Variants in SUCLG2 observed in about 807,000 individuals in gnomAD.
The protein encoded by SUCLG2 is succinate--CoA ligase [GDP-forming] subunit beta, mitochondrial.
In SUCLG2, 42 loss-of-function variants were observed where a neutral mutation model predicts 47.9. The observed-to-expected ratio is 0.88, with a 90% CI of 0.69 to 1.14. SUCLG2 has a LOEUF of 1.14. SUCLG2 is among the 50% of genes most tolerant of loss of function. The pLI is 0.00. For synonymous variants in SUCLG2, 195 were observed against 197.3 expected, an observed-to-expected ratio of 0.99 and a Z score of 0.10; for missense variants, 571 against 525.9, an observed-to-expected ratio of 1.09 and a Z score of -0.84.
intron 10 of SUCLG2, among the ~76,000 whole-genome samples, chr3:67,361,703 G>C (rs1394611241): frequency 6.6e-6 from 1 of 152,116 alleles, no homozygotes; most frequent in Non-Finnish European, 1.5e-5. Context: ...CTGTATCCTT[G>C]CTTTTTTGCC....
intron 9 of SUCLG2, among the ~76,000 whole-genome samples, chr3:67,423,244 G>A (rs1316068790): frequency 2.0e-5 from 3 of 152,062 alleles, no homozygotes; most frequent in African/African-American, 7.2e-5. Context: ...TCCCGTGCTT[G>A]CATTCTCTCT....
At chr3:67,393,812 T>A (rs1429383195) in intron 10 of SUCLG2, among the ~76,000 whole-genome samples, 5 of 152,082 alleles carry the variant, frequency 3.3e-5, no homozygotes, top group African/African-American at 9.7e-5. Flanking sequence ...CGGGTACTCC[T>A]CTGAGACAAA....
chr3:67,589,457 T>C (rs567078714), intron 2 of SUCLG2, among the ~76,000 whole-genome samples: 27 of 152,344 alleles, frequency 1.8e-4, no homozygotes, highest in Admixed American at 1.2e-3. Context: ...AATAATGTGA[T>C]TGAAGTGGCC....
At chr3:67,501,293 G>A (rs1290979811) in intron 7 of SUCLG2, among the ~76,000 whole-genome samples, 2 of 152,178 alleles carry the variant, frequency 1.3e-5, no homozygotes, top group Admixed American at 6.5e-5. Flanking sequence ...TTTACTTAGT[G>A]GGTAAGGGAA....
chr3:67,578,544 G>A (rs539490514), intron 2 of SUCLG2, among the ~76,000 whole-genome samples: 3 of 152,186 alleles, frequency 2.0e-5, no homozygotes, highest in African/African-American at 4.8e-5. Flanking sequence ...CAGAAAGAGA[G>A]GGGACAGGGC....
Position 67,449,746 on chromosome 3 carries a change from T to A in SUCLG2, c.1062+46052A>T, listed in dbSNP as rs147860212. ...CCTCACGCTCAGCCCCCTGAGTAGC[T>A]GGGACTACAGGTGTGTGCCACCATG... On this transcript the variant is annotated intron_variant, in intron 9 of 10. Transcript: ENST00000307227. Among the ~76,000 whole-genome samples, 1,022 of 152,048 alleles carry A rather than the reference T, an allele frequency of 6.7e-3. 16 individuals are homozygous for A. Among genetic ancestry groups the A allele is most frequent in the African/African-American group, 0.023 (935 of 41,490 alleles).
intron 2 of SUCLG2, among the ~76,000 whole-genome samples, chr3:67,563,699 T>C (rs959434164): frequency 1.8e-4 from 27 of 151,946 alleles, no homozygotes; most frequent in Admixed American, 1.6e-3. Flanking sequence ...GTGGCTCATG[T>C]CTGTAATCCC....
At chr3:67,463,627 T>C (rs539503615) in intron 9 of SUCLG2, among the ~76,000 whole-genome samples, 15 of 152,372 alleles carry the variant, frequency 9.8e-5, no homozygotes, top group Middle Eastern at 3.4e-3. Context: ...AATTTGTTTA[T>C]GGGGCCATGC....
intron 10 of SUCLG2, chr3:67,376,507 T>G: frequency 1.0e-6 from 1 of 982,694 alleles, no homozygotes; most frequent in Non-Finnish European, 1.2e-6. Context: ...GAACAACTCC[T>G]GTAGGAGAAA....
rs540275913 is a variant in SUCLG2 at position 67,577,222 on chromosome 3, A to C, written c.226+32233T>G. Among the ~76,000 whole-genome samples, 3 of 152,248 alleles carry C rather than the reference A, an allele frequency of 2.0e-5. 1 individual carries two copies. The South Asian group carries it at 6.2e-4, about 32-fold the overall frequency. On this transcript the variant is annotated intron_variant, in intron 2 of 10. Coordinates refer to ENST00000307227, the MANE Select transcript of SUCLG2 (RefSeq NM_003848.4). ...AGTCGGGAGGCTGAGGCAGGAGAAAAGCTTGAACCCAGGAGTTGGAGGTTG... is the reference window on the plus strand; with the variant it reads ...AGTCGGGAGGCTGAGGCAGGAGAAACGCTTGAACCCAGGAGTTGGAGGTTG...
At chr3:67,563,988 A>G (rs1401789669) in intron 2 of SUCLG2, among the ~76,000 whole-genome samples, 2 of 151,796 alleles carry the variant, frequency 1.3e-5, no homozygotes, top group African/African-American at 4.8e-5. Flanking sequence ...AGAAAAAAGA[A>G]AAAGAAAAGA....
chr3:67,438,417 C>G (rs1218109776), intron 9 of SUCLG2, among the ~76,000 whole-genome samples: 2 of 151,634 alleles, frequency 1.3e-5, no homozygotes, highest in Non-Finnish European at 2.9e-5. Flanking sequence ...ATGAAAAACT[C>G]ATCCTCCCAC....
At chr3:67,435,032 C>T (rs1350995923) in intron 9 of SUCLG2, among the ~76,000 whole-genome samples, 1 of 152,116 alleles carries the variant, frequency 6.6e-6, no homozygotes, top group Non-Finnish European at 1.5e-5. Flanking sequence ...CAAGGTCAAT[C>T]GTATAATAGC....
intron 1 of SUCLG2, among the ~76,000 whole-genome samples, chr3:67,616,714 C>A (rs1215377865): frequency 6.6e-6 from 1 of 152,128 alleles, no homozygotes; most frequent in African/African-American, 2.4e-5. Context: ...AAGGGCTTGC[C>A]CCTTACTTAA....
Position 67,609,607 on chromosome 3 carries a change from T to C in SUCLG2, c.85-11A>G. The C allele has an allele frequency of 6.2e-7, 1 of 1,612,136 alleles. No homozygotes were observed. Among genetic ancestry groups the C allele is most frequent in the South Asian group, 1.1e-5 (1 of 90,880 alleles). On this transcript the variant is annotated splice_polypyrimidine_tract_variant and intron_variant, in intron 1 of 10. Coordinates refer to ENST00000307227, the MANE Select transcript of SUCLG2 (RefSeq NM_003848.4). ...GGTTAATTGAACTGCCTACAGAAAT[T>C]GAAGGAGAGAGGTAAGAACATTCAT...
At chr3:67,493,842 G>T (rs186052979) in intron 9 of SUCLG2, among the ~76,000 whole-genome samples, 68 of 152,314 alleles carry the variant, frequency 4.5e-4, no homozygotes, top group African/African-American at 1.5e-3. Context: ...ATTAATACAT[G>T]ATTAGAGAGC....
At position 67,382,808 on chromosome 3, in the gene SUCLG2, G is replaced by A. The variant is rs552130470; in HGVS notation, c.1184-6949C>T. Among the ~76,000 whole-genome samples, 8 of 152,278 alleles carry A rather than the reference G, an allele frequency of 5.3e-5. No individual in the cohort carries two copies. In the South Asian group the frequency reaches 1.0e-3, roughly 20 times the overall value. On this transcript the variant is annotated intron_variant, in intron 10 of 10. Coordinates refer to ENST00000307227, the MANE Select transcript of SUCLG2 (RefSeq NM_003848.4). ...AAGTATTTCAGCCCCTCTGCTGGAAGTAACTGAGTTTTTTTCTCCCCACTG... is the reference window on the plus strand; with the variant it reads ...AAGTATTTCAGCCCCTCTGCTGGAAATAACTGAGTTTTTTTCTCCCCACTG...
chr3:67,400,926 A>G, intron 9 of SUCLG2, 75 bp from the exon 10 acceptor site: 1 of 1,587,776 alleles, frequency 6.3e-7, no homozygotes, highest in Non-Finnish European at 8.6e-7. Context: ...GTTAAATAAT[A>G]GAGACAATTA....
At chr3:67,384,835 T>G (rs375708754) in intron 10 of SUCLG2, among the ~76,000 whole-genome samples, 1 of 152,338 alleles carries the variant, frequency 6.6e-6, no homozygotes, top group East Asian at 1.9e-4. Context: ...GAATCTTTCT[T>G]GGCACAGCAC....
Sources: allele counts gnomAD v4.1 joint callset (sites outside exome capture counted in the v4.1 genomes callset), GRCh38; gene constraint gnomAD v4.1.1; transcripts MANE v1.5; gene names NCBI Gene and HGNC (gene_info 2026-07-23, HGNC 2026-07-21).